Variants in VAV3 observed in about 807,000 individuals in gnomAD.
VAV3 encodes vav guanine nucleotide exchange factor 3, also known as guanine nucleotide exchange factor VAV3.
In VAV3, 94 loss-of-function variants were observed where a neutral mutation model predicts 131.2. That is an observed-to-expected ratio of 0.72 (90% CI 0.61 to 0.85). The LOEUF (loss-of-function observed/expected upper bound fraction) is 0.85. VAV3 is among the 40% of genes least tolerant of loss of function. The probability of loss-of-function intolerance (pLI) is 0.00; values close to 1 mark genes in which losing one functional copy is unlikely to be tolerated. For synonymous variants in VAV3, 349 were observed against 342.0 expected (o/e 1.02, Z -0.22); for missense variants, 939 against 1,002.7 (o/e 0.94, Z 0.86).
chr1:107,716,956 T>C (rs576088162), intron 15 of VAV3, among the ~76,000 whole-genome samples: 1 of 152,326 alleles, frequency 6.6e-6, no homozygotes, highest in South Asian at 2.1e-4. Flanking sequence ...ATCTTCCTAG[T>C]TTAGTCTTGG....
intron 2 of VAV3, among the ~76,000 whole-genome samples, chr1:107,843,537 GTATA>G (rs1553218250): frequency 6.8e-6 from 1 of 147,544 alleles, no homozygotes; most frequent in Non-Finnish European, 1.5e-5. Flanking sequence ...GTGTGTGTGT[GTATA>G]TATATATATT....
intron 1 of VAV3, among the ~76,000 whole-genome samples, chr1:107,896,816 T>C (rs968645623): frequency 2.0e-5 from 3 of 152,308 alleles, no homozygotes; most frequent in Non-Finnish European, 4.4e-5. Context: ...TTTTGTTATG[T>C]ATTAGAGGGG....
intron 19 of VAV3, among the ~76,000 whole-genome samples, chr1:107,666,662 T>C (rs1657432852): frequency 6.6e-6 from 1 of 151,122 alleles, no homozygotes; most frequent in Non-Finnish European, 1.5e-5. Context: ...CTCTGCCTCC[T>C]GGGTTCAAGC....
chr1:107,777,250 C>A lies in VAV3; in HGVS notation c.427G>T (p.Gly143Cys), dbSNP rs1340409870. ...ESINDEDIYK[G>C]LPDLIDETLV... ...ACATACTCTATTAAATCAGGAAGGCCTTTGTAGATGTCTTCATCATTAATG... is the reference window on the plus strand; with the variant it reads ...ACATACTCTATTAAATCAGGAAGGCATTTGTAGATGTCTTCATCATTAATG... Residue 143 changes from glycine to cysteine, a missense_variant, in exon 4 of 27, where the codon GGC becomes TGC. Physicochemically the swap from Gly to Cys is radical, Grantham distance 159. Coordinates refer to ENST00000370056, the MANE Select transcript of VAV3 (RefSeq NM_006113.5). The A allele has an allele frequency of 1.9e-6, 3 of 1,613,864 alleles. No individual in the cohort carries two copies. In the African/African-American group the frequency reaches 4.0e-5, roughly 22 times the overall value.
intron 1 of VAV3, among the ~76,000 whole-genome samples, chr1:107,899,844 C>G (rs1286724390): frequency 6.6e-6 from 1 of 152,164 alleles, no homozygotes; most frequent in Non-Finnish European, 1.5e-5. Flanking sequence ...GCTGCCTCTG[C>G]TTTTCCCAGA....
At chr1:107,754,229 T>C (rs1437357007) in intron 12 of VAV3, among the ~76,000 whole-genome samples, 1 of 152,070 alleles carries the variant, frequency 6.6e-6, no homozygotes, top group Non-Finnish European at 1.5e-5. Flanking sequence ...AACAAAAAAA[T>C]CTTGACAAAT....
intron 22 of VAV3, among the ~76,000 whole-genome samples, chr1:107,604,005 A>C (rs1297486697): frequency 6.9e-6 from 1 of 145,904 alleles, no homozygotes; most frequent in Non-Finnish European, 1.5e-5. Flanking sequence ...GCTGGCCTTA[A>C]ACATACAGAA....
intron 1 of VAV3, chr1:107,964,301 C>A: frequency 5.1e-6 from 1 of 197,812 alleles, no homozygotes. Context: ...CCCATCACCT[C>A]GTTTCGTCCC....
intron 19 of VAV3, among the ~76,000 whole-genome samples, chr1:107,675,486 G>A (rs560778249): frequency 5.6e-4 from 86 of 152,266 alleles, no homozygotes; most frequent in East Asian, 5.2e-3. Flanking sequence ...CAGGGCTACC[G>A]TTGGAGATTA....
intron 1 of VAV3, among the ~76,000 whole-genome samples, chr1:107,887,151 T>C (rs4244134): frequency 0.86 from 130,484 of 152,264 alleles, 56,121 homozygotes; most frequent in African/African-American, 0.92. Context: ...AGCCCCAGGC[T>C]GCACCCTTTA....
chr1:107,963,146 A>C (rs920654801), intron 1 of VAV3, among the ~76,000 whole-genome samples: 1 of 152,168 alleles, frequency 6.6e-6, no homozygotes, highest in Non-Finnish European at 1.5e-5. Context: ...TATTGAGAGC[A>C]ACTGCTGAGA....
At chr1:107,949,469 C>A (rs1003837059) in intron 1 of VAV3, among the ~76,000 whole-genome samples, 2 of 152,030 alleles carry the variant, frequency 1.3e-5, no homozygotes, top group Non-Finnish European at 2.9e-5. Flanking sequence ...TGCTACAGTG[C>A]CCAGCTAATT....
intron 15 of VAV3, among the ~76,000 whole-genome samples, chr1:107,734,312 A>G (rs1662451381): frequency 6.6e-6 from 1 of 152,224 alleles, no homozygotes; most frequent in South Asian, 2.1e-4. Flanking sequence ...CTAACGGGCA[A>G]AATAACCAGC....
intron 2 of VAV3, among the ~76,000 whole-genome samples, chr1:107,782,649 T>C (rs1223713067): frequency 6.6e-6 from 1 of 152,252 alleles, no homozygotes; most frequent in African/African-American, 2.4e-5. Context: ...TATTGTACAC[T>C]GAGTCCATCC....
At position 107,901,350 on chromosome 1, in the gene VAV3, A is replaced by G. The variant is rs145344689; in HGVS notation, c.205-26333T>C. On this transcript the variant is annotated intron_variant, in intron 1 of 26. Coordinates refer to ENST00000370056, the MANE Select transcript of VAV3 (RefSeq NM_006113.5). ...TGCAGGATATTTTAAATTTTCACCA[A>G]AAAAATCACAAGAATATTCAGCATC... 4.6e-3 allele frequency among the ~76,000 whole-genome samples: 706 copies of G among 152,362 alleles called. 5 individuals are homozygous for G. The highest frequency in any genetic ancestry group is 7.2e-3 in the Non-Finnish European group (493 of 68,040).
chr1:107,772,924 T>TA (rs869190496), intron 4 of VAV3, 81 bp from the exon 5 acceptor site: 7 of 1,193,252 alleles, frequency 5.9e-6, no homozygotes, highest in Admixed American at 2.3e-5. Context: ...TGGATTTTAG[T>TA]AAAAAATCCA....
intron 1 of VAV3, among the ~76,000 whole-genome samples, chr1:107,949,774 T>C (rs1241910672): frequency 1.3e-5 from 2 of 152,248 alleles, no homozygotes; most frequent in Admixed American, 6.5e-5. Context: ...TCTCAACTTA[T>C]GCATTTCTTG....
intron 12 of VAV3, among the ~76,000 whole-genome samples, chr1:107,754,777 C>A (rs1027869925): frequency 3.3e-5 from 5 of 152,154 alleles, no homozygotes; most frequent in Non-Finnish European, 5.9e-5. Context: ...TCTTGCCCAA[C>A]TCTGAGCATT....
At chr1:107,581,607 T>A (rs1650058503) in intron 25 of VAV3, among the ~76,000 whole-genome samples, 1 of 152,196 alleles carries the variant, frequency 6.6e-6, no homozygotes, top group African/African-American at 2.4e-5. Flanking sequence ...TTCTGAGACC[T>A]GACTGAGAAG....
Sources: gnomAD v4.1 joint callset for allele counts (sites outside exome capture counted in the v4.1 genomes callset) on GRCh38, gnomAD v4.1.1 for gene constraint, MANE v1.5 for transcripts, NCBI Gene and HGNC (gene_info 2026-07-23, HGNC 2026-07-21) for gene names.